Variants in OSBP2 observed in about 807,000 individuals in gnomAD.
OSBP2 encodes the protein oxysterol-binding protein 2.
In OSBP2, 66 loss-of-function variants were observed where a neutral mutation model predicts 96.0. The ratio of observed to expected loss-of-function variants is 0.69; its 90% confidence interval spans 0.56 to 0.84. OSBP2 has a LOEUF of 0.84. Ranked by LOEUF, OSBP2 falls within the 40% of genes least tolerant of loss-of-function variation. The pLI is 0.00. For synonymous variants in OSBP2, 525 were observed against 520.9 expected (o/e 1.01, Z -0.11); for missense variants, 1,038 against 1,222.7 (o/e 0.85, Z 2.25).
At chr22:30,845,328 C>A (rs1715527492) in intron 2 of OSBP2, among the ~76,000 whole-genome samples, 1 of 152,020 alleles carries the variant, frequency 6.6e-6, no homozygotes, top group East Asian at 1.9e-4. Context: ...GAGGCTGAGG[C>A]AGGAGGATTG....
At chr22:30,733,889 A>G (rs2089815661) in intron 1 of OSBP2, among the ~76,000 whole-genome samples, 1 of 152,198 alleles carries the variant, frequency 6.6e-6, no homozygotes, top group Non-Finnish European at 1.5e-5. Flanking sequence ...TGTACTGCAG[A>G]TGTTTAGTAT....
chr22:30,863,762 G>A (rs533628183), intron 2 of OSBP2, among the ~76,000 whole-genome samples: 2 of 152,300 alleles, frequency 1.3e-5, no homozygotes, highest in South Asian at 2.1e-4. Context: ...TGGTCAGAGC[G>A]AATCCTGCTG....
chr22:30,715,912 G>A (rs866545298), intron 1 of OSBP2, among the ~76,000 whole-genome samples: 11 of 139,190 alleles, frequency 7.9e-5, no homozygotes, highest in Admixed American at 2.2e-4. Context: ...AGCTGGTCTC[G>A]AATTCCTGGG....
chr22:30,827,548 A>G lies in OSBP2; in HGVS notation c.854-42881A>G, dbSNP rs578213651. Among the ~76,000 whole-genome samples, 158 of 152,312 alleles carry G rather than the reference A, an allele frequency of 1.0e-3. 1 individual carries two copies. Among genetic ancestry groups the G allele is most frequent in the African/African-American group, 3.2e-3 (131 of 41,562 alleles). On this transcript the variant is annotated intron_variant, in intron 2 of 13. Transcript: ENST00000332585. ...ATCCTTTCTATCTCCTCCAGTATAA[A>G]TCTGGCTCCTTATAGGAATGCACAT...
At chr22:30,880,982 G>A (rs758835941) in intron 3 of OSBP2, among the ~76,000 whole-genome samples, 3 of 152,178 alleles carry the variant, frequency 2.0e-5, no homozygotes, top group Non-Finnish European at 4.4e-5. Flanking sequence ...CTGGTGGTCA[G>A]GCAGGGCCTG....
intron 2 of OSBP2, among the ~76,000 whole-genome samples, chr22:30,846,488 C>T (rs1359113542): frequency 6.6e-6 from 1 of 152,046 alleles, no homozygotes; most frequent in Non-Finnish European, 1.5e-5. Flanking sequence ...ATGAGAGTTC[C>T]AATTTTCCCA....
chr22:30,769,364 A>G (rs2090318932), intron 2 of OSBP2, among the ~76,000 whole-genome samples: 1 of 152,210 alleles, frequency 6.6e-6, no homozygotes. Context: ...TACTTTTTAA[A>G]TTAGGCTGGG....
intron 2 of OSBP2, among the ~76,000 whole-genome samples, chr22:30,787,603 G>A (rs191988319): frequency 5.3e-5 from 8 of 152,270 alleles, no homozygotes; most frequent in Admixed American, 3.3e-4. Context: ...AACCCGGGAG[G>A]TGGAGGTTTT....
At position 30,893,233 on chromosome 22, in the gene OSBP2, A is replaced by G. The variant is rs371407014; in HGVS notation, c.1981A>G (p.Met661Val). The change falls in exon 9 of 14, where the codon ATG becomes GTG. Residue 661 changes from methionine (M) to valine (V), a missense_variant. Around this residue, in one of 3 missense-constraint regions of OSBP2, gnomAD observed 737 missense variants for 913.3 expected, o/e 0.81. Transcript: ENST00000332585. ...SKFRGKYISIMPLGAIHLEFQ... is the reference protein window; with the variant it reads ...SKFRGKYISIVPLGAIHLEFQ... ...GTTCCGGGGAAAATACATCTCCATC[A>G]TGCCGCTAGGTGAGCTGGGGCCCGG... 6.2e-7 allele frequency: 1 copy of G among 1,614,060 alleles called. No individual in the cohort carries two copies.
intron 2 of OSBP2, among the ~76,000 whole-genome samples, chr22:30,803,413 C>T (rs2090881486): frequency 6.6e-6 from 1 of 152,240 alleles, no homozygotes; most frequent in African/African-American, 2.4e-5. Context: ...GCCAGACAGT[C>T]ACAAGGCATG....
At chr22:30,809,366 TATG>T (rs1224380798) in intron 2 of OSBP2, among the ~76,000 whole-genome samples, 1 of 152,080 alleles carries the variant, frequency 6.6e-6, no homozygotes, top group Non-Finnish European at 1.5e-5. Flanking sequence ...TCGAGAAGTG[TATG>T]ATGAAGACTC....
rs961401943 is a variant in OSBP2, at chr22:30,695,228, G to T, written c.319G>T (p.Gly107Trp). ...GGAACTGCTGCAGGGGTCGCGGCCG[G>T]GGTCAGAGTCAAGCTCAGGTGTAGG... The part of the protein sequence containing the change: ...PSELLQGSRP[G>W]SESSSGVGAG... The change falls in exon 1 of 14, where the codon GGG becomes TGG. Residue 107 changes from glycine to tryptophan, a missense_variant. This residue lies in a region of OSBP2 where 281 missense variants were observed against 273.4 expected (regional missense o/e 1.03). Transcript: ENST00000332585. The T allele has an allele frequency of 6.2e-7, 1 of 1,613,174 alleles. No homozygotes were observed. Among genetic ancestry groups the T allele is most frequent in the African/African-American group, 1.3e-5 (1 of 74,932 alleles).
intron 2 of OSBP2, among the ~76,000 whole-genome samples, chr22:30,815,480 T>C (rs1327178605): frequency 6.6e-6 from 1 of 152,190 alleles, no homozygotes; most frequent in Non-Finnish European, 1.5e-5. Context: ...TAATTGAGTG[T>C]ATTATAGCTT....
intron 3 of OSBP2, chr22:30,872,330 C>T (rs1260757752): frequency 2.2e-6 from 1 of 456,612 alleles, no homozygotes; most frequent in Non-Finnish European, 4.4e-6. Flanking sequence ...GGAGGCTTCC[C>T]AGGCACTGCC....
chr22:30,787,178 T>C (rs2090602678), intron 2 of OSBP2, among the ~76,000 whole-genome samples: 1 of 152,054 alleles, frequency 6.6e-6, no homozygotes, highest in African/African-American at 2.4e-5. Flanking sequence ...CAAGACTAAG[T>C]AATTTATAAA....
Position 30,906,270 on chromosome 22 carries a change from T to C in OSBP2, c.2682T>C (p.Cys894=), listed in dbSNP as rs2040336460. 1.2e-6 allele frequency: 2 copies of C among 1,614,024 alleles called. No individual in the cohort carries two copies. The highest frequency in any genetic ancestry group is 1.7e-6 in the Non-Finnish European group (2 of 1,180,018). ...RLDPLTGEMA[C]VYKGGYWEAK... is the part of the protein sequence containing the mutation. ...ATCCGCTGACCGGGGAGATGGCCTGTGTGTACAAGGGCGGCTACTGGGAGG... is the reference window on the plus strand; with the variant it reads ...ATCCGCTGACCGGGGAGATGGCCTGCGTGTACAAGGGCGGCTACTGGGAGG... The change falls in exon 14 of 14, where the codon TGT becomes TGC. Residue 894 remains cysteine, a synonymous_variant. Coordinates refer to ENST00000332585, the MANE Select transcript of OSBP2 (RefSeq NM_030758.4).
At chr22:30,820,519 T>C (rs57527354) in intron 2 of OSBP2, among the ~76,000 whole-genome samples, 67,893 of 152,036 alleles carry the variant, frequency 0.45, 15,563 homozygotes, top group African/African-American at 0.54. Context: ...TTAAGGGACC[T>C]TGCAGAGCAT....
chr22:30,890,876 C>A lies in OSBP2; in HGVS notation c.1772C>A (p.Thr591Lys), dbSNP rs1345060385. The change falls in exon 8 of 14, where the codon ACA becomes AAA. Residue 591 changes from threonine (T) to lysine (K), a missense_variant. Coordinates refer to ENST00000332585, the MANE Select transcript of OSBP2 (RefSeq NM_030758.4). The surrounding 1 kb of genome is among the most constrained non-coding windows in gnomAD (Gnocchi z 4.4). ...TTCTCTGTGTCCTCCTACTCCACCA[C>A]AGTGCACCGCATCGCCAAGCCCTTC... is the stretch of plus-strand genomic sequence containing the variant. ...AAFSVSSYST[T>K]VHRIAKPFNP... The A allele has an allele frequency of 5.0e-6, 8 of 1,613,676 alleles. No homozygotes were observed. The highest frequency in any genetic ancestry group is 5.9e-6 in the Non-Finnish European group (7 of 1,180,054).
At chr22:30,885,662 G>A (rs941457201) in intron 3 of OSBP2, among the ~76,000 whole-genome samples, 2 of 152,226 alleles carry the variant, frequency 1.3e-5, no homozygotes, top group African/African-American at 2.4e-5. Context: ...TCTGTGCCAC[G>A]GCCAGGGACT....
Sources: gnomAD v4.1 joint callset for allele counts (sites outside exome capture counted in the v4.1 genomes callset) on GRCh38, gnomAD v4.1.1 for gene constraint, gnomAD v4.1.1 regional missense constraint, Gnocchi (gnomAD v3.1) non-coding constraint, MANE v1.5 for transcripts, NCBI Gene and HGNC (gene_info 2026-07-23, HGNC 2026-07-21) for gene names.